The following PHACTR1 variants were observed in gnomAD, a reference collection of about 807,000 sequenced individuals.
PHACTR1 encodes RPEL repeat containing 1.
PHACTR1 carries 16 observed loss-of-function variants against 69.2 expected under a neutral mutation model. The observed-to-expected ratio is 0.23, with a 90% CI of 0.16 to 0.35. The LOEUF is 0.35. PHACTR1 is among the 10% of genes least tolerant of loss of function. PHACTR1 has a pLI of 1.00. For synonymous variants in PHACTR1, 312 were observed against 284.5 expected (o/e 1.10, Z -0.97); for missense variants, 510 against 734.7 (o/e 0.69, Z 3.54).
intron 4 of PHACTR1, among the ~76,000 whole-genome samples, chr6:12,792,856 T>C (rs1772500197): frequency 6.7e-6 from 1 of 149,048 alleles, no homozygotes; most frequent in African/African-American, 2.6e-5. Context: ...TTTTTTTTTT[T>C]TTGGAATAAT....
intron 5 of PHACTR1, among the ~76,000 whole-genome samples, chr6:13,066,739 C>T (rs77162906): frequency 0.036 from 5,471 of 152,094 alleles, 318 homozygotes; most frequent in African/African-American, 0.12. Context: ...CCCTAAGGTG[C>T]GAGGAAAGCT....
At chr6:13,131,542 A>G (rs1305186185) in intron 5 of PHACTR1, among the ~76,000 whole-genome samples, 1 of 152,142 alleles carries the variant, frequency 6.6e-6, no homozygotes, top group Non-Finnish European at 1.5e-5. Context: ...AATAATTATC[A>G]CTAAAGAACT....
intron 4 of PHACTR1, among the ~76,000 whole-genome samples, chr6:12,831,407 ACT>A: frequency 6.6e-6 from 1 of 152,348 alleles, no homozygotes; most frequent in African/African-American, 2.4e-5. Flanking sequence ...TACAGTTTGC[ACT>A]TCAGTGACCT....
chr6:13,123,224 C>T (rs141631851), intron 5 of PHACTR1, among the ~76,000 whole-genome samples: 179 of 152,318 alleles, frequency 1.2e-3, no homozygotes, highest in African/African-American at 3.4e-3. Flanking sequence ...GAGAGAATCG[C>T]ATTGCCTTTC....
intron 4 of PHACTR1, among the ~76,000 whole-genome samples, chr6:12,895,218 G>C (rs1179200180): frequency 1.4e-5 from 1 of 73,750 alleles, no homozygotes; most frequent in Non-Finnish European, 2.5e-5. Context: ...TTTCCCTCTT[G>C]TTGCCCAGGC....
At chr6:12,753,942 A>G (rs1018434123) in intron 4 of PHACTR1, among the ~76,000 whole-genome samples, 1 of 91,086 alleles carries the variant, frequency 1.1e-5, no homozygotes, top group Non-Finnish European at 2.2e-5. Context: ...GGCAAGTTGT[A>G]AATATATATA....
chr6:12,941,407 C>G (rs1002240355), intron 4 of PHACTR1, among the ~76,000 whole-genome samples: 3 of 152,102 alleles, frequency 2.0e-5, no homozygotes, highest in Admixed American at 2.0e-4. Flanking sequence ...AAGGGTCTTT[C>G]TTACAAGTCA....
chr6:12,792,189 G>A (rs1561886402), intron 4 of PHACTR1, among the ~76,000 whole-genome samples: 2 of 152,014 alleles, frequency 1.3e-5, no homozygotes, highest in African/African-American at 2.4e-5. Flanking sequence ...AATGGGCCGG[G>A]CGCGGTGGCT....
intron 7 of PHACTR1, among the ~76,000 whole-genome samples, chr6:13,201,539 GAGAT>G (rs1030169330): frequency 1.3e-5 from 2 of 152,186 alleles, no homozygotes; most frequent in African/African-American, 4.8e-5. Context: ...GTGCTGTAGG[GAGAT>G]AGATATCTGG....
At chr6:12,787,644 G>A (rs1771703146) in intron 4 of PHACTR1, among the ~76,000 whole-genome samples, 1 of 152,176 alleles carries the variant, frequency 6.6e-6, no homozygotes. Flanking sequence ...TGCTCTTGGA[G>A]GGATTCTGGA....
intron 5 of PHACTR1, among the ~76,000 whole-genome samples, chr6:13,065,886 C>G (rs1466378676): frequency 1.3e-5 from 2 of 151,758 alleles, no homozygotes; most frequent in Non-Finnish European, 2.9e-5. Flanking sequence ...AGTTGAATAG[C>G]CTTCAGCATC....
At chr6:12,789,467 T>C (rs994146278) in intron 4 of PHACTR1, among the ~76,000 whole-genome samples, 3 of 152,100 alleles carry the variant, frequency 2.0e-5, no homozygotes, top group Non-Finnish European at 4.4e-5. Flanking sequence ...CCCTCAATGA[T>C]CTCAATTGCT....
intron 5 of PHACTR1, among the ~76,000 whole-genome samples, chr6:13,073,700 G>A (rs1809924536): frequency 6.6e-6 from 1 of 151,938 alleles, no homozygotes; most frequent in Non-Finnish European, 1.5e-5. Flanking sequence ...AGGTGTTTCT[G>A]TGCCAGCAAG....
intron 5 of PHACTR1, among the ~76,000 whole-genome samples, chr6:13,095,213 C>T (rs374581720): frequency 4.9e-4 from 75 of 152,338 alleles, no homozygotes; most frequent in African/African-American, 1.8e-3. Context: ...CTTACAGCAG[C>T]TTGAGCAGAC....
rs1322690886 is a variant in PHACTR1 at position 13,278,351 on chromosome 6, G to A, written c.1509+22G>A. The A allele has an allele frequency of 6.3e-6, 10 of 1,577,822 alleles. No individual in the cohort carries two copies. In the African/African-American group the frequency reaches 9.5e-5, roughly 15 times the overall value. ...AAAGGTAGGTGGTTCTCCATGCCAA[G>A]AGCTGGGACAGGAGAGGGTGGGCTG... On this transcript the variant is annotated intron_variant, in intron 12 of 14. Coordinates refer to ENST00000332995, the MANE Select transcript of PHACTR1 (RefSeq NM_030948.6).
Position 13,246,854 on chromosome 6 carries a change from A to G in PHACTR1, c.1391+16661A>G, listed in dbSNP as rs1773648591. Among the ~76,000 whole-genome samples the G allele has an allele frequency of 6.6e-6, 1 of 152,222 alleles. No individual in the cohort carries two copies. The highest frequency in any genetic ancestry group is 1.5e-5 in the Non-Finnish European group (1 of 68,044). On this transcript the variant is annotated intron_variant, in intron 10 of 14. Coordinates refer to ENST00000332995, the MANE Select transcript of PHACTR1 (RefSeq NM_030948.6). This position sits in a 1 kb window ranked among gnomAD's most constrained non-coding sequence, Gnocchi z 4.2. ...ACCTCGAATCTCATGCAAAATGCTA[A>G]TAGGAATAATTCATTTTATTTATCT...
At chr6:13,243,917 A>G (rs1280481082) in intron 10 of PHACTR1, among the ~76,000 whole-genome samples, 2 of 152,198 alleles carry the variant, frequency 1.3e-5, no homozygotes, top group African/African-American at 2.4e-5. Flanking sequence ...TGTTACTGCA[A>G]AGAACATGAT....
At chr6:13,195,309 T>C (rs956877191) in intron 7 of PHACTR1, among the ~76,000 whole-genome samples, 3 of 152,180 alleles carry the variant, frequency 2.0e-5, no homozygotes, top group African/African-American at 7.2e-5. Flanking sequence ...TTAAAGGAGA[T>C]AAGTAATTCC....
chr6:13,053,492 G>A lies in PHACTR1; in HGVS notation c.378G>A (p.Arg126=). ...LGRIFKPWKW[R]KKKSEKFKHT... ...GGATTTTCAAGCCTTGGAAATGGAG[G>A]AAGAAGAAAAGCGAAAAGTTCAAAC... Residue 126 remains arginine (R), a synonymous_variant, in exon 5 of 15, where the codon AGG becomes AGA. Transcript: ENST00000332995. 1 of 1,613,876 alleles carries A rather than the reference G, an allele frequency of 6.2e-7. No individual in the cohort carries two copies. Among genetic ancestry groups the A allele is most frequent in the Non-Finnish European group, 8.5e-7 (1 of 1,179,876 alleles).
Sources: gnomAD v4.1 joint callset for allele counts (sites outside exome capture counted in the v4.1 genomes callset) on GRCh38, gnomAD v4.1.1 for gene constraint, Gnocchi (gnomAD v3.1) non-coding constraint, MANE v1.5 for transcripts, NCBI Gene and HGNC (gene_info 2026-07-23, HGNC 2026-07-21) for gene names.